SPMAP2L: variants seen among roughly 807,000 people sequenced by gnomAD.
SPMAP2L encodes sperm microtubule associated protein 2 like, also known as sperm microtubule associated protein 2-like.
the SPMAP2L span, among the ~76,000 whole-genome samples, chr4:56,557,012 G>C: frequency 3.3e-5 from 5 of 151,988 alleles, no homozygotes; most frequent in Non-Finnish European, 7.4e-5. Flanking sequence ...ACTTTGAGAG[G>C]CCAAGGCGGG....
At chr4:56,613,606 A>T in the SPMAP2L span, among the ~76,000 whole-genome samples, 1 of 152,184 alleles carries the variant, frequency 6.6e-6, no homozygotes, top group Non-Finnish European at 1.5e-5. Flanking sequence ...AGTAGTCAGG[A>T]ATGTCCCAGA....
At chr4:56,593,824 G>A in the SPMAP2L span, 293 of 1,610,248 alleles carry the variant, frequency 1.8e-4, 1 homozygote, top group South Asian at 8.9e-4. Context: ...CCCTCTTGGC[G>A]AATATGGCAG....
the SPMAP2L span, among the ~76,000 whole-genome samples, chr4:56,553,185 T>C: frequency 7.6e-6 from 1 of 131,590 alleles, no homozygotes; most frequent in Non-Finnish European, 1.6e-5. Flanking sequence ...TATTGCTTTT[T>C]TTTTTTTTTT....
the SPMAP2L span, chr4:56,594,762 C>A: frequency 6.0e-6 from 9 of 1,504,388 alleles, no homozygotes; most frequent in Non-Finnish European, 8.3e-6. Flanking sequence ...TACCCATCCA[C>A]CAATGGGGTG....
chr4:56,610,299 T>TAA, the SPMAP2L span, among the ~76,000 whole-genome samples: 67,846 of 151,772 alleles, frequency 0.45, 15,712 homozygotes, highest in East Asian at 0.64. Flanking sequence ...CCCAAATACT[T>TAA]ACAGCCAACT....
At chr4:56,557,675 TTCCATTATTCTAGAATTCTG>T in the SPMAP2L span, 2 of 152,198 alleles carry the variant, frequency 1.3e-5, no homozygotes, top group African/African-American at 4.8e-5. Flanking sequence ...ATCCTTCTAG[TTCCATTATTCTAGAATTCTG>T]TGGGTAATTG....
the SPMAP2L span, among the ~76,000 whole-genome samples, chr4:56,613,419 G>T: frequency 6.6e-6 from 1 of 152,130 alleles, no homozygotes; most frequent in Non-Finnish European, 1.5e-5. Context: ...GTATGGTGGG[G>T]AGCAGAAAGA....
chr4:56,620,513 G>A, the SPMAP2L span, among the ~76,000 whole-genome samples: 4 of 152,028 alleles, frequency 2.6e-5, no homozygotes, highest in Non-Finnish European at 5.9e-5. Context: ...CACTGCCCGA[G>A]TAGCTGGGAT....
the SPMAP2L span, among the ~76,000 whole-genome samples, chr4:56,577,695 C>T: frequency 1.3e-5 from 2 of 152,088 alleles, no homozygotes; most frequent in African/African-American, 4.8e-5. Context: ...TACGATATTC[C>T]TAGATAAGCA....
At chr4:56,534,068 G>A in the SPMAP2L span, among the ~76,000 whole-genome samples, 26,544 of 152,022 alleles carry the variant, frequency 0.17, 2,940 homozygotes, top group East Asian at 0.5. Flanking sequence ...CCATGTGCCC[G>A]TCCAGGTACC....
At chr4:56,554,776 A>G in the SPMAP2L span, among the ~76,000 whole-genome samples, 3 of 150,780 alleles carry the variant, frequency 2.0e-5, no homozygotes, top group Non-Finnish European at 4.4e-5. Context: ...GTGTTTTTCT[A>G]TGAAACTCCT....
At chr4:56,554,206 G>T in the SPMAP2L span, among the ~76,000 whole-genome samples, 2 of 152,098 alleles carry the variant, frequency 1.3e-5, no homozygotes, top group Non-Finnish European at 2.9e-5. Context: ...TAGCTAATTT[G>T]GGTAAATTGC....
the SPMAP2L span, among the ~76,000 whole-genome samples, chr4:56,534,566 C>T: frequency 6.6e-6 from 1 of 152,134 alleles, no homozygotes; most frequent in Non-Finnish European, 1.5e-5. Flanking sequence ...CAGTTTTTCC[C>T]CTAAACTCAA....
At chr4:56,591,584 TATC>T in the SPMAP2L span, among the ~76,000 whole-genome samples, 4 of 152,332 alleles carry the variant, frequency 2.6e-5, no homozygotes, top group East Asian at 5.8e-4. Flanking sequence ...TCAGTGTTAG[TATC>T]ATCATCATCA....
At chr4:56,609,330 C>T in the SPMAP2L span, among the ~76,000 whole-genome samples, 3 of 152,146 alleles carry the variant, frequency 2.0e-5, no homozygotes, top group East Asian at 1.9e-4. Flanking sequence ...CATGAGTCAC[C>T]GTGCCCAGCC....
chr4:56,597,741 T>C, the SPMAP2L span, among the ~76,000 whole-genome samples: 25 of 152,358 alleles, frequency 1.6e-4, no homozygotes, highest in African/African-American at 5.8e-4. Context: ...GGAATACCAC[T>C]GCAGAAAATC....
the SPMAP2L span, among the ~76,000 whole-genome samples, chr4:56,561,018 T>C: frequency 6.6e-6 from 1 of 152,232 alleles, no homozygotes; most frequent in African/African-American, 2.4e-5. Flanking sequence ...AGTGCTGGGA[T>C]TACATGCATG....
At chr4:56,619,104 A>G in the SPMAP2L span, among the ~76,000 whole-genome samples, 1 of 152,232 alleles carries the variant, frequency 6.6e-6, no homozygotes. Context: ...TTAATTTATA[A>G]ATTAGGCACT....
chr4:56,580,050 A>C, the SPMAP2L span, among the ~76,000 whole-genome samples: 1 of 152,186 alleles, frequency 6.6e-6, no homozygotes, highest in East Asian at 1.9e-4. Context: ...AAAATCAGAC[A>C]CTTTCCAACT....
Sources: allele counts gnomAD v4.1 joint callset (sites outside exome capture counted in the v4.1 genomes callset), GRCh38; gene constraint gnomAD v4.1.1; transcripts MANE v1.5; gene names NCBI Gene and HGNC (gene_info 2026-07-23, HGNC 2026-07-21).